Variants in CDH20 observed in about 807,000 individuals in gnomAD.
The protein encoded by CDH20 is cadherin-20.
CDH20 carries 29 observed loss-of-function variants against 74.2 expected under a neutral mutation model. The ratio of observed to expected loss-of-function variants is 0.39; its 90% CI spans 0.29 to 0.53. The LOEUF is 0.53. Ranked by LOEUF, CDH20 falls within the 20% of genes least tolerant of loss-of-function variation. CDH20 has a pLI of 0.69. For synonymous variants in CDH20, 469 were observed against 405.4 expected, an observed-to-expected ratio of 1.16 and a Z score of -1.88; for missense variants, 988 against 1,048.3, an observed-to-expected ratio of 0.94 and a Z score of 0.79.
intron 1 of CDH20, among the ~76,000 whole-genome samples, chr18:61,375,655 T>A (rs1911195910): frequency 6.6e-6 from 1 of 152,136 alleles, no homozygotes. Context: ...TCCTTCTTCA[T>A]CCTTTAAAGA....
intron 10 of CDH20, among the ~76,000 whole-genome samples, chr18:61,545,544 G>A (rs1017427069): frequency 7.2e-5 from 11 of 152,284 alleles, no homozygotes; most frequent in African/African-American, 2.6e-4. Context: ...GCAAAGCACA[G>A]AGGCAAAATC....
intron 1 of CDH20, among the ~76,000 whole-genome samples, chr18:61,369,307 C>G (rs1910957503): frequency 6.6e-6 from 1 of 152,096 alleles, no homozygotes; most frequent in South Asian, 2.1e-4. Context: ...ATATTCACTC[C>G]ATGCAGCTTC....
At chr18:61,343,197 C>T (rs1219673086) in intron 1 of CDH20, among the ~76,000 whole-genome samples, 1 of 152,194 alleles carries the variant, frequency 6.6e-6, no homozygotes, top group Non-Finnish European at 1.5e-5. Context: ...CCTGGTTACC[C>T]TACTGCAGGT....
chr18:61,459,979 C>T (rs1437081636), intron 1 of CDH20, among the ~76,000 whole-genome samples: 5 of 152,118 alleles, frequency 3.3e-5, no homozygotes, highest in Admixed American at 2.0e-4. Context: ...TCAATTCCAA[C>T]CAACTGTTGA....
In CDH20 at chr18:61,555,075, GA is replaced by G; in HGVS notation, c.*383del. ...GATACAGAGATGCCAATTGAAAGCAGAAAGTTCTACTCTCGTATCTGTTTTT... is the reference window on the plus strand; with the variant it reads ...GATACAGAGATGCCAATTGAAAGCAGAAGTTCTACTCTCGTATCTGTTTTT... On this transcript the variant is annotated 3_prime_UTR_variant, in exon 12 of 12. Transcript: ENST00000262717. 9.4e-7 allele frequency: 1 copy of G among 1,058,542 alleles called. No homozygotes were observed. Among genetic ancestry groups the G allele is most frequent in the Non-Finnish European group, 1.1e-6 (1 of 876,680 alleles). 65.6% of individuals were successfully genotyped at this position (1,058,542 alleles called of 1,614,324 possible).
Position 61,554,826 on chromosome 18 carries a change from C to A in CDH20, c.*131C>A. ...AATGGGGGTGAGCAGGCGAACAGAG[C>A]TCTCTCTGGATCAGCTTTACTTGGG... On this transcript the variant is annotated 3_prime_UTR_variant, in exon 12 of 12. Coordinates refer to ENST00000262717, the MANE Select transcript of CDH20 (RefSeq NM_031891.4). 7.0e-7 allele frequency: 1 copy of A among 1,428,896 alleles called. No individual in the cohort carries two copies. The highest frequency in any genetic ancestry group is 1.5e-5 in the South Asian group (1 of 66,534). 88.5% of individuals were successfully genotyped at this position (1,428,896 alleles called of 1,614,324 possible).
rs369949747 is a variant in CDH20 at position 61,554,599 on chromosome 18, G to A, written c.2310G>A (p.Ser770=). The change falls in exon 12 of 12, where the codon TCG becomes TCA. Residue 770 remains serine, a synonymous_variant. Coordinates refer to ENST00000262717, the MANE Select transcript of CDH20 (RefSeq NM_031891.4). ...CCCTGCAGTCGGCCACGTCGGACTC[G>A]GAACAGAGCTTCGACTTCCTGACGG... ...LSSLQSATSD[S]EQSFDFLTDW... is the part of the protein sequence containing the mutation. 266 of 1,608,584 alleles carry A rather than the reference G, an allele frequency of 1.7e-4. No homozygotes were observed. The highest frequency in any genetic ancestry group is 2.2e-4 in the Non-Finnish European group (258 of 1,178,266).
intron 1 of CDH20, among the ~76,000 whole-genome samples, chr18:61,358,481 T>G (rs1910574489): frequency 6.6e-6 from 1 of 152,296 alleles, no homozygotes; most frequent in African/African-American, 2.4e-5. Flanking sequence ...TTTTTCTTTA[T>G]GTGCTTCTCT....
At chr18:61,428,618 G>T (rs143786746) in intron 1 of CDH20, among the ~76,000 whole-genome samples, 10 of 152,100 alleles carry the variant, frequency 6.6e-5, no homozygotes, top group African/African-American at 2.2e-4. Flanking sequence ...AGCTTCCACT[G>T]GTTCTTCCAT....
intron 1 of CDH20, among the ~76,000 whole-genome samples, chr18:61,473,268 T>A (rs1289207640): frequency 6.6e-6 from 1 of 152,256 alleles, no homozygotes; most frequent in Non-Finnish European, 1.5e-5. Context: ...TTGGAATCCG[T>A]CTGATGTATC....
chr18:61,416,954 T>C (rs1568130974), intron 1 of CDH20, among the ~76,000 whole-genome samples: 1 of 152,204 alleles, frequency 6.6e-6, no homozygotes, highest in African/African-American at 2.4e-5. Context: ...TCCAAAATCT[T>C]CTCACATTTG....
chr18:61,353,853 G>T lies in CDH20; in HGVS notation c.-153+20026G>T, dbSNP rs993704262. 6.6e-6 allele frequency among the ~76,000 whole-genome samples: 1 copy of T among 151,984 alleles called. No homozygotes were observed. Among genetic ancestry groups the T allele is most frequent in the African/African-American group, 2.4e-5 (1 of 41,368 alleles). On this transcript the variant is annotated intron_variant, in intron 1 of 11. Coordinates refer to ENST00000262717, the MANE Select transcript of CDH20 (RefSeq NM_031891.4). The surrounding 1 kb of genome is among the most constrained non-coding windows in gnomAD (Gnocchi z 4.6). ...TCCCAGCATTTTAGGAGGCCGGGGCGGTTGGATTGCCTGAACTCTGTAGTT... is the reference window on the plus strand; with the variant it reads ...TCCCAGCATTTTAGGAGGCCGGGGCTGTTGGATTGCCTGAACTCTGTAGTT...
At chr18:61,478,253 T>G (rs991420649) in intron 1 of CDH20, among the ~76,000 whole-genome samples, 1 of 152,138 alleles carries the variant, frequency 6.6e-6, no homozygotes, top group Admixed American at 6.5e-5. Flanking sequence ...ATTTTATTTC[T>G]GCCTTTCTGA....
At chr18:61,483,345 G>A (rs749009946) in intron 1 of CDH20, among the ~76,000 whole-genome samples, 1 of 152,136 alleles carries the variant, frequency 6.6e-6, no homozygotes, top group Non-Finnish European at 1.5e-5. Context: ...GAAAGTGAGA[G>A]GCTTTGAGGC....
At chr18:61,508,446 A>G (rs1030508976) in intron 6 of CDH20, among the ~76,000 whole-genome samples, 6 of 152,130 alleles carry the variant, frequency 3.9e-5, no homozygotes, top group African/African-American at 7.2e-5. Flanking sequence ...ACAGAACACA[A>G]TAAGTGAGGC....
intron 7 of CDH20, among the ~76,000 whole-genome samples, chr18:61,535,207 T>G (rs2144384876): frequency 6.6e-6 from 1 of 151,976 alleles, no homozygotes; most frequent in East Asian, 1.9e-4. Context: ...TCCCAGTTAC[T>G]TGGGAGGCTG....
intron 1 of CDH20, among the ~76,000 whole-genome samples, chr18:61,410,421 GC>G (rs1012296319): frequency 2.6e-5 from 4 of 152,158 alleles, no homozygotes; most frequent in African/African-American, 7.2e-5. Context: ...GTAAGGTGAA[GC>G]GAAATAAGTA....
rs535701291 is a variant in CDH20, at chr18:61,351,642, A to T, written c.-153+17815A>T. Among the ~76,000 whole-genome samples, 65 of 104,094 alleles carry T rather than the reference A, an allele frequency of 6.2e-4. 1 individual carries two copies. The highest frequency in any genetic ancestry group is 1.8e-3 in the African/African-American group (60 of 33,092). 68.3% of individuals were successfully genotyped at this position (104,094 alleles called of 152,430 possible). A position where few individuals can be genotyped will look rare whatever the true frequency, so the allele number is the denominator to read the frequency against. The stretch of plus-strand genomic sequence containing the variant: ...GCAAAAATAACTGCAAAGTCTAATT[A>T]AAAAAAAAAAACAATTTTCAGGTGA... On this transcript the variant is annotated intron_variant, in intron 1 of 11. Transcript: ENST00000262717.
intron 1 of CDH20, among the ~76,000 whole-genome samples, chr18:61,483,270 G>GTAGC (rs1910650761): frequency 6.6e-6 from 1 of 152,084 alleles, no homozygotes; most frequent in African/African-American, 2.4e-5. Flanking sequence ...TCCTAACTAT[G>GTAGC]TAGCATTTGC....
Sources: gnomAD v4.1 joint callset for allele counts (sites outside exome capture counted in the v4.1 genomes callset) on GRCh38, gnomAD v4.1.1 for gene constraint, Gnocchi (gnomAD v3.1) non-coding constraint, MANE v1.5 for transcripts, NCBI Gene and HGNC (gene_info 2026-07-23, HGNC 2026-07-21) for gene names.